TLE2: variants seen among roughly 807,000 people sequenced by gnomAD.
TLE2 encodes transducin-like enhancer protein 2.
TLE2 carries 74 observed loss-of-function variants against 97.2 expected under a neutral mutation model. The observed-to-expected ratio is 0.76, with a 90% CI of 0.63 to 0.92. The LOEUF is 0.92. Among genes scored for constraint, TLE2 ranks in the 40% least tolerant of loss-of-function variants. The probability of loss-of-function intolerance (pLI) is 0.00; values close to 1 mark genes in which losing one functional copy is unlikely to be tolerated. For synonymous variants in TLE2, 499 were observed against 432.1 expected (o/e 1.15, Z -1.92); for missense variants, 1,038 against 1,008.7 (o/e 1.03, Z -0.39).
At position 3,043,260 on chromosome 19, in the gene TLE2, C is replaced by G. The variant is rs181261006; in HGVS notation, c.63+2466G>C. Among the ~76,000 whole-genome samples the G allele has an allele frequency of 4.2e-4, 64 of 152,120 alleles. 1 individual carries two copies. The East Asian group carries it at 0.011, about 27-fold the overall frequency. ...CCTCCCAAGTAGCTGAGACCACAATCGTACACTACCATGCCCGGCCTGGCC... is the reference window on the plus strand; with the variant it reads ...CCTCCCAAGTAGCTGAGACCACAATGGTACACTACCATGCCCGGCCTGGCC... On this transcript the variant is annotated intron_variant, in intron 1 of 18. Coordinates refer to the TLE2 transcript ENST00000426948.
At chr19:3,006,229 A>G in intron 15 of TLE2, 191 bp downstream of exon 15, 2 of 1,031,176 alleles carry the variant, frequency 1.9e-6, no homozygotes, top group Non-Finnish European at 3.0e-6. Flanking sequence ...AGTCCAATTC[A>G]GATTGGCCAG....
intron 3 of TLE2, among the ~76,000 whole-genome samples, chr19:3,028,110 A>T (rs755246684): frequency 3.6e-4 from 55 of 152,168 alleles, no homozygotes; most frequent in Non-Finnish European, 6.9e-4. Context: ...CCCTGGCCCG[A>T]CAGAGACTCC....
At chr19:3,029,558 C>CGGGGAG (rs1555694580), upstream of TLE2, 24 of 227,088 alleles carry the variant, frequency 1.1e-4, 2 homozygotes, top group Middle Eastern at 2.4e-3. Context: ...ACCGTGGGAG[C>CGGGGAG]GGGGGGGGGG....
chr19:3,029,139 G>C lies in TLE2; in HGVS notation c.-235C>G. On this transcript the variant is annotated 5_prime_UTR_variant, in exon 1 of 20. Coordinates refer to ENST00000262953, the MANE Select transcript of TLE2 (RefSeq NM_003260.5). Reference sequence around the variant, plus strand: ...TGCGCGGGGCGAGCGGGGCGGGCAGGGGCAGCGGCCGGGGCGGGAGCGCGG... The same window carrying C: ...TGCGCGGGGCGAGCGGGGCGGGCAGCGGCAGCGGCCGGGGCGGGAGCGCGG... The C allele has an allele frequency of 9.7e-7, 1 of 1,036,232 alleles. No homozygotes were observed. Among genetic ancestry groups the C allele is most frequent in the Non-Finnish European group, 1.2e-6 (1 of 858,758 alleles). The allele number at this position is 1,036,232 out of a possible 1,614,324, so 64.2% of individuals were successfully genotyped here.
chr19:3,012,787 A>G (rs1479967630), intron 11 of TLE2, among the ~76,000 whole-genome samples: 1 of 152,084 alleles, frequency 6.6e-6, no homozygotes, highest in African/African-American at 2.4e-5. Flanking sequence ...CTGCCTCCCA[A>G]GAAACTTCGC....
intron 13 of TLE2, 44 bp downstream of exon 13, chr19:3,009,498 C>A: frequency 6.5e-7 from 1 of 1,548,306 alleles, no homozygotes; most frequent in East Asian, 2.3e-5. Context: ...CCCCCAGCCC[C>A]TGGGCCCTGC....
rs1408499534 is a variant in TLE2, at chr19:3,029,070, A to AGC, written c.-168_-167dup. 1.5e-6 allele frequency: 2 copies of AGC among 1,297,220 alleles called. No individual in the cohort carries two copies. The highest frequency in any genetic ancestry group is 2.0e-6 in the Non-Finnish European group (2 of 1,020,172). 80.4% of individuals were successfully genotyped at this position (1,297,220 alleles called of 1,614,324 possible). A position where few individuals can be genotyped will look rare whatever the true frequency, so the allele number is the denominator to read the frequency against. Reference sequence around the variant, plus strand: ...CCCTGGAGTCCCTGGCGCGCCCCCAAGCGCGCGCGCCCGGGGTCGTGGGAG... The same window carrying AGC: ...CCCTGGAGTCCCTGGCGCGCCCCCAAGCGCGCGCGCGCCCGGGGTCGTGGGAG... On this transcript the variant is annotated 5_prime_UTR_variant, in exon 1 of 20. Transcript: ENST00000262953.
upstream of TLE2, among the ~76,000 whole-genome samples, chr19:3,030,761 A>AT (rs1426301605): frequency 6.6e-6 from 1 of 151,852 alleles, no homozygotes; most frequent in Non-Finnish European, 1.5e-5. Context: ...ACAAAAAAAC[A>AT]TTTTTGTGTT....
chr19:3,013,545 G>A (rs1206258136), intron 11 of TLE2, 124 bp downstream of exon 11: 1 of 942,770 alleles, frequency 1.1e-6, no homozygotes, highest in Non-Finnish European at 1.4e-6. Flanking sequence ...CACAGGGAAA[G>A]GGTGGACAAT....
intron 8 of TLE2, among the ~76,000 whole-genome samples, chr19:3,017,453 T>TTTC (rs1449336994): frequency 4.7e-3 from 221 of 46,724 alleles, no homozygotes; most frequent in Non-Finnish European, 6.2e-3. Flanking sequence ...TCTTTCTTTC[T>TTTC]TTTTTTTTTT....
At chr19:3,036,028 T>C (rs1174304781) in intron 1 of TLE2, among the ~76,000 whole-genome samples, 1 of 152,198 alleles carries the variant, frequency 6.6e-6, no homozygotes, top group Non-Finnish European at 1.5e-5. Context: ...TCTTTCTCCC[T>C]ATTTCACAGA....
chr19:3,045,064 A>T (rs1045235062), intron 1 of TLE2, among the ~76,000 whole-genome samples: 5 of 151,906 alleles, frequency 3.3e-5, no homozygotes, highest in African/African-American at 7.3e-5. Flanking sequence ...CAAAAAAAAA[A>T]TTAGCTGGAT....
chr19:3,033,137 C>T (rs1192496970), upstream of TLE2, among the ~76,000 whole-genome samples: 5 of 151,624 alleles, frequency 3.3e-5, no homozygotes, highest in East Asian at 1.9e-4. Flanking sequence ...CTCAGCTTCT[C>T]GAGCAGCTGG....
At chr19:2,999,517 G>A (rs1158010319) in intron 19 of TLE2, among the ~76,000 whole-genome samples, 1 of 151,266 alleles carries the variant, frequency 6.6e-6, no homozygotes, top group South Asian at 2.1e-4. Flanking sequence ...CATGAGGTCA[G>A]GAGATCAAGA....
chr19:3,039,722 G>A (rs917111250), intron 1 of TLE2, among the ~76,000 whole-genome samples: 31 of 152,170 alleles, frequency 2.0e-4, no homozygotes, highest in Non-Finnish European at 4.0e-4. Flanking sequence ...GAGGGATAGA[G>A]CCTCACCAAG....
intron 7 of TLE2, 31 bp from the exon 8 acceptor site, chr19:3,017,890 G>A: frequency 1.2e-6 from 2 of 1,609,710 alleles, no homozygotes; most frequent in Non-Finnish European, 8.5e-7. Context: ...TAAAGAGAAA[G>A]AAGGAGAAAG....
At chr19:3,015,453 C>T (rs537284727) in intron 9 of TLE2, among the ~76,000 whole-genome samples, 200 bp downstream of exon 9, 49 of 152,344 alleles carry the variant, frequency 3.2e-4, no homozygotes, top group Non-Finnish European at 5.9e-4. Flanking sequence ...GCCAAGAGGC[C>T]GCAGAGACTT....
At chr19:3,020,501 G>A (rs1599231698) in intron 5 of TLE2, 2 of 151,552 alleles carry the variant, frequency 1.3e-5, no homozygotes, top group Middle Eastern at 3.5e-3. Context: ...CTAGGTTAAG[G>A]AACAGAAAGT....
intron 19 of TLE2, among the ~76,000 whole-genome samples, chr19:2,999,447 G>C (rs2089300914): frequency 6.6e-6 from 1 of 152,164 alleles, no homozygotes; most frequent in Non-Finnish European, 1.5e-5. Context: ...TGAAAAACAG[G>C]CTGGGTGTGG....
Sources: gnomAD v4.1 joint callset for allele counts (sites outside exome capture counted in the v4.1 genomes callset) on GRCh38, gnomAD v4.1.1 for gene constraint, MANE v1.5 for transcripts, NCBI Gene and HGNC (gene_info 2026-07-23, HGNC 2026-07-21) for gene names.